Variants in PAK1 observed in about 807,000 individuals in gnomAD.
PAK1 encodes the protein p21 (RAC1) activated kinase 1.
In PAK1, 29 loss-of-function variants were observed where a neutral mutation model predicts 67.4. The ratio of observed to expected loss-of-function variants is 0.43; its 90% CI spans 0.32 to 0.59. The LOEUF (loss-of-function observed/expected upper bound fraction) is 0.59, where lower values mean the gene tolerates loss of function less well. Ranked by LOEUF, PAK1 falls within the 20% of genes least tolerant of loss-of-function variation. The pLI is 0.07. For synonymous variants in PAK1, 223 were observed against 237.4 expected, an observed-to-expected ratio of 0.94 and a Z score of 0.56; for missense variants, 337 against 670.7, an observed-to-expected ratio of 0.50 and a Z score of 5.50.
intron 1 of PAK1, among the ~76,000 whole-genome samples, chr11:77,431,298 C>T (rs1365727349): frequency 6.6e-6 from 1 of 152,116 alleles, no homozygotes; most frequent in Non-Finnish European, 1.5e-5. Context: ...ATATATAAAG[C>T]TTTGTATGCA....
chr11:77,383,321 A>AT (rs1162924725), intron 2 of PAK1, among the ~76,000 whole-genome samples: 5,237 of 135,628 alleles, frequency 0.039, 123 homozygotes, highest in Non-Finnish European at 0.049. Context: ...GTACTGTGTA[A>AT]TTTTTTTTTT....
chr11:77,328,701 C>T (rs1435527250), intron 14 of PAK1, among the ~76,000 whole-genome samples: 1 of 152,138 alleles, frequency 6.6e-6, no homozygotes, highest in African/African-American at 2.4e-5. Flanking sequence ...AAAATTGACA[C>T]CCTTACATCA....
intron 1 of PAK1, among the ~76,000 whole-genome samples, chr11:77,445,622 G>T (rs1378151757): frequency 6.6e-6 from 1 of 152,198 alleles, no homozygotes; most frequent in Admixed American, 6.5e-5. Flanking sequence ...GTTTTAGAAT[G>T]TGATAACCAG....
chr11:77,488,654 A>G, the PAK1 span, among the ~76,000 whole-genome samples: 1 of 152,054 alleles, frequency 6.6e-6, no homozygotes, highest in Admixed American at 6.6e-5. Flanking sequence ...CAATTAATAT[A>G]CTGACGAATG....
intron 4 of PAK1, among the ~76,000 whole-genome samples, chr11:77,375,813 G>A (rs2852388): frequency 0.1 from 15,338 of 152,064 alleles, 1,864 homozygotes; most frequent in African/African-American, 0.27. Context: ...TTAAGGAGGG[G>A]AAATATTCTA....
intron 5 of PAK1, among the ~76,000 whole-genome samples, chr11:77,368,501 A>C (rs999964887): frequency 1.3e-5 from 2 of 152,236 alleles, no homozygotes; most frequent in African/African-American, 2.4e-5. Context: ...AAAAGTAAAC[A>C]AAAAATAATG....
intron 4 of PAK1, among the ~76,000 whole-genome samples, chr11:77,375,331 G>C (rs1948954685): frequency 6.6e-6 from 1 of 152,176 alleles, no homozygotes; most frequent in Admixed American, 6.5e-5. Context: ...CCAAAACATG[G>C]CCAGTCTCCA....
intron 2 of PAK1, among the ~76,000 whole-genome samples, chr11:77,388,235 C>T (rs1950690227): frequency 6.6e-6 from 1 of 152,216 alleles, no homozygotes; most frequent in Admixed American, 6.5e-5. Flanking sequence ...GGATTTTCTA[C>T]AGCTGTATCA....
intron 1 of PAK1, among the ~76,000 whole-genome samples, chr11:77,451,606 TG>T (rs1956856628): frequency 7.0e-6 from 1 of 142,444 alleles, no homozygotes; most frequent in African/African-American, 2.8e-5. Flanking sequence ...TGTTTTTTTT[TG>T]TTTTTTTTTT....
the PAK1 span, among the ~76,000 whole-genome samples, chr11:77,526,713 C>G: frequency 6.6e-6 from 1 of 152,066 alleles, no homozygotes; most frequent in South Asian, 2.1e-4. Flanking sequence ...GTCAGGAGTT[C>G]AAGACCAGCC....
intron 1 of PAK1, among the ~76,000 whole-genome samples, chr11:77,461,674 C>G (rs946540918): frequency 6.6e-6 from 1 of 151,940 alleles, no homozygotes; most frequent in African/African-American, 2.4e-5. Flanking sequence ...TTTACATACA[C>G]CAAAAAAGGA....
intron 1 of PAK1, among the ~76,000 whole-genome samples, chr11:77,463,620 G>T (rs1957461754): frequency 6.6e-6 from 1 of 152,214 alleles, no homozygotes; most frequent in Non-Finnish European, 1.5e-5. Flanking sequence ...AAGATACTAT[G>T]CTAAAAGTGC....
At chr11:77,529,697 T>A in the PAK1 span, among the ~76,000 whole-genome samples, 1 of 152,086 alleles carries the variant, frequency 6.6e-6, no homozygotes, top group African/African-American at 2.4e-5. Flanking sequence ...AGGGACAGCA[T>A]CTCAAAGGAG....
chr11:77,345,099 A>T (rs1323779379), intron 9 of PAK1, among the ~76,000 whole-genome samples: 3 of 152,200 alleles, frequency 2.0e-5, no homozygotes, highest in Non-Finnish European at 4.4e-5. Flanking sequence ...CCTTCTTTAA[A>T]GCCCTATAAG....
At chr11:77,435,657 CTTTTTTT>C (rs35603502) in intron 1 of PAK1, among the ~76,000 whole-genome samples, 10 of 68,604 alleles carry the variant, frequency 1.5e-4, no homozygotes, top group South Asian at 7.3e-4. Context: ...CTACACCTGG[CTTTTTTT>C]TTTTTTTTTT....
chr11:77,419,931 C>T (rs537687303), intron 1 of PAK1, among the ~76,000 whole-genome samples: 2 of 151,792 alleles, frequency 1.3e-5, no homozygotes, highest in East Asian at 3.9e-4. Context: ...TAGTAGCTTA[C>T]AAAAACACTA....
intron 14 of PAK1, 41 bp from the exon 15 acceptor site, chr11:77,323,401 A>C: frequency 7.9e-7 from 1 of 1,273,688 alleles, no homozygotes; most frequent in Non-Finnish European, 1.1e-6. Context: ...TGACTATTTA[A>C]CATTCTTCCC....
chr11:77,352,570 G>A lies in PAK1; in HGVS notation c.836+966C>T, dbSNP rs186117097. Reference sequence around the variant, plus strand: ...CAGGGTTTATAAAGTCTACAGTAGCGTACACAGTAATGTCCTAGGCCTCGA... The same window carrying A: ...CAGGGTTTATAAAGTCTACAGTAGCATACACAGTAATGTCCTAGGCCTCGA... On this transcript the variant is annotated intron_variant, in intron 8 of 14. Transcript: ENST00000356341. 3.1e-4 allele frequency among the ~76,000 whole-genome samples: 47 copies of A among 152,174 alleles called. 1 individual carries two copies. Among genetic ancestry groups the A allele is most frequent in the Non-Finnish European group, 4.3e-4 (29 of 68,004 alleles).
intron 1 of PAK1, among the ~76,000 whole-genome samples, chr11:77,463,272 G>A (rs900949899): frequency 1.3e-5 from 2 of 152,064 alleles, no homozygotes; most frequent in Admixed American, 6.5e-5. Flanking sequence ...GGGATACACA[G>A]ACATGCGATA....
Sources: gnomAD v4.1 joint callset for allele counts (sites outside exome capture counted in the v4.1 genomes callset) on GRCh38, gnomAD v4.1.1 for gene constraint, MANE v1.5 for transcripts, NCBI Gene and HGNC (gene_info 2026-07-23, HGNC 2026-07-21) for gene names.